The following XYLT1 variants were observed in gnomAD, a reference collection of about 807,000 sequenced individuals.
XYLT1 encodes the protein xylosyltransferase 1.
Under a neutral mutation model 91.3 loss-of-function variants are expected in XYLT1, and 36 were observed. That is an observed-to-expected ratio of 0.39 (90% confidence interval 0.30 to 0.52). XYLT1 has a LOEUF of 0.52. Among genes scored for constraint, XYLT1 ranks in the 20% least tolerant of loss-of-function variants. XYLT1 has a pLI of 0.68. For synonymous variants in XYLT1, 588 were observed against 532.0 expected (o/e 1.11, Z -1.45); for missense variants, 1,242 against 1,284.5 (o/e 0.97, Z 0.51).
At chr16:17,379,184 GC>G (rs995541669) in intron 1 of XYLT1, among the ~76,000 whole-genome samples, 1 of 152,176 alleles carries the variant, frequency 6.6e-6, no homozygotes, top group Non-Finnish European at 1.5e-5. Flanking sequence ...CCCCGGGCAG[GC>G]AGCCCAACCC....
At chr16:17,151,651 T>G (rs12933150) in intron 6 of XYLT1, among the ~76,000 whole-genome samples, 74,122 of 151,932 alleles carry the variant, frequency 0.49, 19,962 homozygotes, top group Non-Finnish European at 0.6. Context: ...TGCTGCCCTG[T>G]GTGGAGAAAG....
At chr16:17,267,922 A>T (rs1315242581) in intron 2 of XYLT1, among the ~76,000 whole-genome samples, 2 of 146,002 alleles carry the variant, frequency 1.4e-5, no homozygotes, top group African/African-American at 5.1e-5. Context: ...TAATACCTAG[A>T]ACTTAATAAA....
intron 2 of XYLT1, among the ~76,000 whole-genome samples, chr16:17,271,431 G>A (rs1009159943): frequency 1.3e-5 from 2 of 152,006 alleles, no homozygotes. Flanking sequence ...GAGAGACACA[G>A]AGCAAGAGAC....
intron 5 of XYLT1, among the ~76,000 whole-genome samples, chr16:17,167,269 T>TAC (rs1247598658): frequency 1.3e-5 from 2 of 152,284 alleles, no homozygotes; most frequent in Admixed American, 6.5e-5. Context: ...TGAAGCCTAC[T>TAC]ACTTCCCTTC....
chr16:17,426,508 T>G (rs2036320627), intron 1 of XYLT1, among the ~76,000 whole-genome samples: 1 of 152,122 alleles, frequency 6.6e-6, no homozygotes, highest in East Asian at 1.9e-4. Context: ...ATCTCACCAC[T>G]GCACTCTAGC....
intron 8 of XYLT1, among the ~76,000 whole-genome samples, chr16:17,137,229 C>T (rs1419042745): frequency 2.0e-5 from 3 of 152,148 alleles, no homozygotes; most frequent in Non-Finnish European, 4.4e-5. Context: ...CCACTTGGAA[C>T]ACCCCTCCAT....
intron 3 of XYLT1, among the ~76,000 whole-genome samples, chr16:17,244,900 C>T (rs1049086921): frequency 6.6e-6 from 1 of 150,784 alleles, no homozygotes; most frequent in Non-Finnish European, 1.5e-5. Flanking sequence ...ACATGTGCAA[C>T]AACAACAAAA....
At chr16:17,235,060 G>GAA (rs879941543) in intron 3 of XYLT1, among the ~76,000 whole-genome samples, 2 of 143,538 alleles carry the variant, frequency 1.4e-5, no homozygotes, top group Admixed American at 7.0e-5. Flanking sequence ...AAAACTTCCT[G>GAA]AAAAAAAAAA....
intron 2 of XYLT1, among the ~76,000 whole-genome samples, chr16:17,273,737 G>A (rs546475381): frequency 2.2e-4 from 34 of 151,490 alleles, no homozygotes; most frequent in African/African-American, 5.8e-4. Flanking sequence ...CCACCTACTC[G>A]GGAGGCTGAG....
chr16:17,362,669 A>G (rs1401066340), intron 1 of XYLT1, among the ~76,000 whole-genome samples: 1 of 152,222 alleles, frequency 6.6e-6, no homozygotes, highest in Non-Finnish European at 1.5e-5. Flanking sequence ...TTTGTTCGTT[A>G]TCATTCCACA....
intron 1 of XYLT1, among the ~76,000 whole-genome samples, chr16:17,360,239 T>C (rs747619629): frequency 1.3e-5 from 2 of 152,224 alleles, no homozygotes; most frequent in Non-Finnish European, 2.9e-5. Flanking sequence ...TGAGACTTAA[T>C]GCTTCATTGC....
intron 1 of XYLT1, among the ~76,000 whole-genome samples, chr16:17,395,034 AACTC>A (rs2035866299): frequency 6.6e-6 from 1 of 152,186 alleles, no homozygotes; most frequent in Admixed American, 6.5e-5. Context: ...AAAGAGGTTT[AACTC>A]ACTCACAGTT....
intron 3 of XYLT1, chr16:17,251,288 T>G (rs2141748480): frequency 6.6e-6 from 1 of 152,396 alleles, no homozygotes; most frequent in Middle Eastern, 3.4e-3. Context: ...CCCTAACACC[T>G]GTGCCAGCTT....
intron 7 of XYLT1, 34 bp downstream of exon 7, chr16:17,141,119 T>G (rs1244137161): frequency 1.9e-6 from 3 of 1,605,312 alleles, no homozygotes; most frequent in Non-Finnish European, 2.6e-6. Context: ...AACAAGCCCC[T>G]ATCTTTCTTG....
intron 2 of XYLT1, among the ~76,000 whole-genome samples, chr16:17,310,178 A>G (rs1359292003): frequency 6.6e-6 from 1 of 152,190 alleles, no homozygotes; most frequent in Non-Finnish European, 1.5e-5. Context: ...ACTTCCCTCC[A>G]GCCCTACTTT....
rs925648844 is a variant in XYLT1, at chr16:17,357,189, A to C, written c.402+823T>G. 9.4e-5 allele frequency among the ~76,000 whole-genome samples: 14 copies of C among 148,430 alleles called. 1 individual carries two copies. Among genetic ancestry groups the C allele is most frequent in the African/African-American group, 2.5e-4 (10 of 39,440 alleles). ...CTCGGTCTCAAAAAAAAAAAAAAAA[A>C]AAAAAAAAAACGCTACCACTCACAA... On this transcript the variant is annotated intron_variant, in intron 2 of 11. Coordinates refer to ENST00000261381, the MANE Select transcript of XYLT1 (RefSeq NM_022166.4).
Position 17,124,139 on chromosome 16 carries a change from A to C in XYLT1, c.2223+3527T>G, listed in dbSNP as rs551730170. Among the ~76,000 whole-genome samples, 318 of 152,240 alleles carry C rather than the reference A, an allele frequency of 2.1e-3. 2 individuals carry two copies. Among genetic ancestry groups the C allele is most frequent in the African/African-American group, 7.2e-3 (300 of 41,544 alleles). ...CCATTTACATTCAACATTAGTATTG[A>C]GATGTGAGGTACTATTCTATTCATC... On this transcript the variant is annotated intron_variant, in intron 10 of 11. Coordinates refer to ENST00000261381, the MANE Select transcript of XYLT1 (RefSeq NM_022166.4).
intron 5 of XYLT1, among the ~76,000 whole-genome samples, chr16:17,161,121 C>T (rs1018343474): frequency 1.3e-5 from 2 of 152,174 alleles, no homozygotes; most frequent in African/African-American, 4.8e-5. Context: ...CCAGGGTCAG[C>T]GGCTGCAGTT....
At chr16:17,389,497 A>G (rs1389266542) in intron 1 of XYLT1, among the ~76,000 whole-genome samples, 2 of 152,192 alleles carry the variant, frequency 1.3e-5, no homozygotes, top group Admixed American at 1.3e-4. Flanking sequence ...GAGTACAGAC[A>G]TTCTGGAGGT....
Sources: allele counts gnomAD v4.1 joint callset (sites outside exome capture counted in the v4.1 genomes callset), GRCh38; gene constraint gnomAD v4.1.1; transcripts MANE v1.5; gene names NCBI Gene and HGNC (gene_info 2026-07-23, HGNC 2026-07-21).